The following CPB1 variants were observed in gnomAD, a reference collection of about 807,000 sequenced individuals.
CPB1 encodes carboxypeptidase B1, also known as carboxypeptidase B.
CPB1 carries 53 observed loss-of-function variants against 51.4 expected under a neutral mutation model. That is an observed-to-expected ratio of 1.03 (90% CI 0.83 to 1.30). The LOEUF (loss-of-function observed/expected upper bound fraction) is 1.30. Among genes scored for constraint, CPB1 ranks in the 50% most tolerant of loss-of-function variants. The pLI, the probability that CPB1 is intolerant of heterozygous loss-of-function variation, is 0.00. For missense variants in CPB1, 494 were observed against 516.2 expected, an observed-to-expected ratio of 0.96 and a Z score of 0.42; for synonymous variants, 189 against 186.9, an observed-to-expected ratio of 1.01 and a Z score of -0.09.
chr3:148,843,504 T>A (rs1296498275), intron 6 of CPB1, among the ~76,000 whole-genome samples: 1 of 152,092 alleles, frequency 6.6e-6, no homozygotes. Context: ...CCATCTGCCT[T>A]TCAGAAGAGG....
chr3:148,854,323 C>T (rs1447492742), intron 9 of CPB1: 1 of 152,076 alleles, frequency 6.6e-6, no homozygotes, highest in African/African-American at 2.4e-5. Flanking sequence ...TTGAACTCTT[C>T]TAAAGAAAAG....
At chr3:148,843,206 T>A (rs1010161182) in intron 6 of CPB1, among the ~76,000 whole-genome samples, 1 of 152,168 alleles carries the variant, frequency 6.6e-6, no homozygotes, top group Non-Finnish European at 1.5e-5. Flanking sequence ...TAGTATTGTA[T>A]CCATGCTAAT....
In CPB1 at chr3:148,846,797, GTATATATATATATATATATA is replaced by G. The variant is rs368201293; in HGVS notation, c.981+1197_981+1216del. Among the ~76,000 whole-genome samples the G allele has an allele frequency of 7.5e-4, 38 of 50,540 alleles. 1 individual carries two copies. The highest frequency in any genetic ancestry group is 3.9e-3 in the East Asian group (5 of 1,272). 33.2% of individuals were successfully genotyped at this position (50,540 alleles called of 152,430 possible). The stretch of plus-strand genomic sequence containing the variant: ...CACATATATATGTGTGTGTGCGTGT[GTATATATATATATATATATA>G]TATATATATATATATATATATATAT... On this transcript the variant is annotated intron_variant, in intron 9 of 10. Transcript: ENST00000282957.
rs1334824658 is a variant in CPB1, at chr3:148,857,462, C to T, written c.987C>T (p.Ala329=). ...TATTCCTGTTTCTTTTGCAGAATGC[C>T]CTGGCTAAAGCTACTGTGAAAGAAC... ...KLGENNAELN[A]LAKATVKELA... is the part of the protein sequence containing the mutation. The change falls in exon 10 of 11, where the codon GCC becomes GCT. Residue 329 remains alanine, a synonymous_variant. Transcript: ENST00000282957. 1 of 1,613,370 alleles carries T rather than the reference C, an allele frequency of 6.2e-7. No homozygotes were observed. Among genetic ancestry groups the T allele is most frequent in the Admixed American group, 1.7e-5 (1 of 59,964 alleles).
At chr3:148,834,316 A>C (rs114548841) in intron 2 of CPB1, among the ~76,000 whole-genome samples, 182 bp from the exon 3 acceptor site, 2,933 of 152,330 alleles carry the variant, frequency 0.019, 50 homozygotes, top group South Asian at 0.058. Flanking sequence ...ATTTGTTAAC[A>C]CTTTTATCAA....
In CPB1 at chr3:148,845,560, G is replaced by A. The variant is rs762060736; in HGVS notation, c.915G>A (p.Ser305=). The change falls in exon 9 of 11, where the codon TCG becomes TCA. Residue 305 remains serine (S), a synonymous_variant. Transcript: ENST00000282957. The part of the protein sequence containing the change: ...SSIKAYLTIH[S]YSQMMIYPYS... ...TCAAGGCATATCTGACAATCCACTC[G>A]TACTCCCAAATGATGATCTACCCTT... is the stretch of plus-strand genomic sequence containing the variant. 8.0e-5 allele frequency: 129 copies of A among 1,613,684 alleles called. No homozygotes were observed. The highest frequency in any genetic ancestry group is 1.0e-4 in the Non-Finnish European group (123 of 1,179,834).
intron 3 of CPB1, among the ~76,000 whole-genome samples, chr3:148,837,651 T>A (rs1712945375): frequency 6.6e-6 from 1 of 151,938 alleles, no homozygotes; most frequent in Non-Finnish European, 1.5e-5. Context: ...AAAGTAGTAC[T>A]TTGTCCTAAA....
chr3:148,842,143 T>G (rs1475848823), intron 6 of CPB1, among the ~76,000 whole-genome samples: 3 of 152,070 alleles, frequency 2.0e-5, no homozygotes, highest in Admixed American at 6.5e-5. Context: ...CCTAGCACTT[T>G]GGGAGGCCAA....
At chr3:148,842,189 C>A (rs1417490667) in intron 6 of CPB1, among the ~76,000 whole-genome samples, 2 of 151,660 alleles carry the variant, frequency 1.3e-5, no homozygotes, top group African/African-American at 4.8e-5. Context: ...AATTGGAGAC[C>A]AGCCTGGGCA....
At chr3:148,859,711 T>C (rs1332415711) in intron 10 of CPB1, 104 bp from the exon 11 acceptor site, 8 of 1,183,568 alleles carry the variant, frequency 6.8e-6, no homozygotes, top group Non-Finnish European at 9.3e-6. Flanking sequence ...CTACTCAAAA[T>C]ATTTTGCACA....
At chr3:148,846,250 C>G (rs1713234246) in intron 9 of CPB1, among the ~76,000 whole-genome samples, 1 of 152,002 alleles carries the variant, frequency 6.6e-6, no homozygotes, top group Non-Finnish European at 1.5e-5. Flanking sequence ...ATTGAACAAT[C>G]AAGACATAAT....
intron 3 of CPB1, among the ~76,000 whole-genome samples, chr3:148,835,278 T>C (rs1712870579): frequency 6.6e-6 from 1 of 152,152 alleles, no homozygotes; most frequent in Non-Finnish European, 1.5e-5. Flanking sequence ...CAAATCAATA[T>C]TGAATGTCTA....
chr3:148,847,849 C>T (rs3772595), intron 9 of CPB1, among the ~76,000 whole-genome samples: 3,996 of 152,118 alleles, frequency 0.026, 115 homozygotes, highest in East Asian at 0.12. Context: ...AGACAGGTAA[C>T]TAAAATGCAA....
intron 3 of CPB1, 142 bp downstream of exon 3, chr3:148,834,764 C>A: frequency 2.9e-6 from 2 of 680,506 alleles, no homozygotes; most frequent in Non-Finnish European, 4.8e-6. Flanking sequence ...GCAGAGCTGG[C>A]CCTGGATTCC....
intron 2 of CPB1, among the ~76,000 whole-genome samples, chr3:148,830,065 A>T (rs1366152664): frequency 6.6e-6 from 1 of 152,182 alleles, no homozygotes; most frequent in Non-Finnish European, 1.5e-5. Context: ...TTCTTGCTTT[A>T]AACCATACTG....
At position 148,844,497 on chromosome 3, in the gene CPB1, G is replaced by T. The variant is rs762474880; in HGVS notation, c.596G>T (p.Arg199Leu). 4 of 1,613,610 alleles carry T rather than the reference G, an allele frequency of 2.5e-6. No individual in the cohort carries two copies. The South Asian group carries it at 4.4e-5, about 18-fold the overall frequency. ...FVREAVRTYGREIQVTELLDK... is the reference protein window; with the variant it reads ...FVREAVRTYGLEIQVTELLDK... Reference sequence around the variant, plus strand: ...ATACAGGCTGTTCGTACCTATGGACGTGAGATCCAAGTGACAGAGCTTCTC... The same window carrying T: ...ATACAGGCTGTTCGTACCTATGGACTTGAGATCCAAGTGACAGAGCTTCTC... Residue 199 changes from arginine to leucine, a missense_variant, in exon 7 of 11, where the codon CGT becomes CTT. Transcript: ENST00000282957.
rs753416058 is a variant in CPB1 at position 148,827,813 on chromosome 3, G to A, written c.-11G>A. 3.7e-6 allele frequency: 6 copies of A among 1,613,556 alleles called. No homozygotes were observed. The highest frequency in any genetic ancestry group is 5.1e-6 in the Non-Finnish European group (6 of 1,179,542). ...CAGATGAGACCTACCCACTAGACCT[G>A]GTCAGACACAATGTTGGCACTCTTG... On this transcript the variant is annotated 5_prime_UTR_variant, in exon 1 of 11. Coordinates refer to ENST00000282957, the MANE Select transcript of CPB1 (RefSeq NM_001871.3).
At chr3:148,852,550 A>ACTTTC (rs1224717727) in intron 9 of CPB1, among the ~76,000 whole-genome samples, 1 of 152,264 alleles carries the variant, frequency 6.6e-6, no homozygotes, top group East Asian at 1.9e-4. Context: ...AGGATCTTAT[A>ACTTTC]CTTTCTTCAC....
At chr3:148,841,693 A>G (rs1713084699) in intron 5 of CPB1, 130 bp from the exon 6 acceptor site, 2 of 629,740 alleles carry the variant, frequency 3.2e-6, no homozygotes, top group East Asian at 2.7e-5. Flanking sequence ...TTTTAATTTA[A>G]TCATGGGATC....
Sources: allele counts gnomAD v4.1 joint callset (sites outside exome capture counted in the v4.1 genomes callset), GRCh38; gene constraint gnomAD v4.1.1; transcripts MANE v1.5; gene names NCBI Gene and HGNC (gene_info 2026-07-23, HGNC 2026-07-21).